The following ASIC2 variants were observed in gnomAD, a reference collection of about 807,000 sequenced individuals.
ASIC2 encodes the protein acid-sensing ion channel 2.
A neutral mutation model predicts 57.3 loss-of-function variants in ASIC2; 25 were observed. That is an observed-to-expected ratio of 0.44 (90% CI 0.32 to 0.61). The LOEUF (loss-of-function observed/expected upper bound fraction) is 0.61. Ranked by LOEUF, ASIC2 falls within the 20% of genes least tolerant of loss-of-function variation. The probability of loss-of-function intolerance (pLI) is 0.06; values close to 1 mark genes in which losing one functional copy is unlikely to be tolerated. For missense variants in ASIC2, 641 were observed against 738.1 expected, an observed-to-expected ratio of 0.87 and a Z score of 1.52; for synonymous variants, 319 against 307.5, an observed-to-expected ratio of 1.04 and a Z score of -0.39.
chr17:33,070,823 T>C (rs2092066006), intron 3 of ASIC2, among the ~76,000 whole-genome samples: 1 of 152,184 alleles, frequency 6.6e-6, no homozygotes, highest in Non-Finnish European at 1.5e-5. Flanking sequence ...TCTGCTTTTA[T>C]ATGTCTGAGA....
At chr17:33,320,823 C>T (rs759815391) in intron 1 of ASIC2, among the ~76,000 whole-genome samples, 4 of 152,168 alleles carry the variant, frequency 2.6e-5, no homozygotes, top group Non-Finnish European at 5.9e-5. Flanking sequence ...GAGTTCATGG[C>T]TCTCTGTGCC....
At chr17:33,725,957 T>A (rs900010894) in intron 1 of ASIC2, among the ~76,000 whole-genome samples, 1 of 152,210 alleles carries the variant, frequency 6.6e-6, no homozygotes, top group Admixed American at 6.5e-5. Context: ...TGCATTCTTA[T>A]GGGGTTCCCA....
At chr17:34,113,757 C>T (rs370859272) in intron 1 of ASIC2, among the ~76,000 whole-genome samples, 1 of 151,874 alleles carries the variant, frequency 6.6e-6, no homozygotes, top group Non-Finnish European at 1.5e-5. Context: ...CACCTACAGT[C>T]GCAGTTACTT....
intron 1 of ASIC2, among the ~76,000 whole-genome samples, chr17:34,049,997 T>A (rs1309076298): frequency 6.6e-6 from 1 of 152,194 alleles, no homozygotes; most frequent in Non-Finnish European, 1.5e-5. Context: ...GTTTGGCACA[T>A]GGAAAATGTT....
At chr17:34,028,920 A>T (rs999447285) in intron 1 of ASIC2, among the ~76,000 whole-genome samples, 1 of 152,192 alleles carries the variant, frequency 6.6e-6, no homozygotes, top group Non-Finnish European at 1.5e-5. Flanking sequence ...TTCCTTGAAC[A>T]TATCTGGGTC....
chr17:33,993,098 T>C (rs984818013), intron 1 of ASIC2, among the ~76,000 whole-genome samples: 8 of 152,166 alleles, frequency 5.3e-5, no homozygotes, highest in Non-Finnish European at 1.2e-4. Flanking sequence ...CTAGAAAAGT[T>C]CCTGGACTAA....
intron 1 of ASIC2, among the ~76,000 whole-genome samples, chr17:34,107,361 T>G (rs1464249351): frequency 1.3e-5 from 2 of 151,908 alleles, no homozygotes. Context: ...AATAAAAAAT[T>G]AGCTAGGGGT....
intron 1 of ASIC2, among the ~76,000 whole-genome samples, chr17:34,150,702 T>C (rs530246092): frequency 8.5e-5 from 13 of 152,218 alleles, no homozygotes; most frequent in African/African-American, 3.1e-4. Context: ...GAGAGTAATT[T>C]AGATTATGGG....
chr17:33,728,544 G>A lies in ASIC2; in HGVS notation c.555+427434C>T, dbSNP rs575406781. Among the ~76,000 whole-genome samples the A allele has an allele frequency of 5.3e-5, 8 of 152,164 alleles. No individual in the cohort carries two copies. The East Asian group carries it at 9.8e-4, about 19-fold the overall frequency. On this transcript the variant is annotated intron_variant, in intron 1 of 9. Coordinates refer to the ASIC2 transcript ENST00000359872. ...TTTATCGGTCTGACCTTTCCTTAGA[G>A]ACCTTATCACAGAAAGAAATTGGTT...
intron 1 of ASIC2, among the ~76,000 whole-genome samples, chr17:33,152,466 T>G (rs1904840443): frequency 6.6e-6 from 1 of 152,138 alleles, no homozygotes; most frequent in Non-Finnish European, 1.5e-5. Context: ...GATGAAATGA[T>G]TCAGATAAAC....
intron 1 of ASIC2, among the ~76,000 whole-genome samples, chr17:33,617,851 G>T (rs776003782): frequency 6.6e-6 from 1 of 152,098 alleles, no homozygotes; most frequent in Non-Finnish European, 1.5e-5. Flanking sequence ...CAATAATTAC[G>T]TGTTTATAAA....
intron 1 of ASIC2, among the ~76,000 whole-genome samples, chr17:34,106,737 C>G (rs1911072097): frequency 6.6e-6 from 1 of 152,126 alleles, no homozygotes; most frequent in African/African-American, 2.4e-5. Context: ...TCCTGTGTCC[C>G]TGTGACATCC....
chr17:33,787,994 G>A (rs1449621104), intron 1 of ASIC2, among the ~76,000 whole-genome samples: 1 of 152,162 alleles, frequency 6.6e-6, no homozygotes, highest in Non-Finnish European at 1.5e-5. Flanking sequence ...TCAGGACATA[G>A]GCATGGGCAA....
chr17:33,842,853 G>A (rs967847194), intron 1 of ASIC2, among the ~76,000 whole-genome samples: 8 of 152,182 alleles, frequency 5.3e-5, no homozygotes, highest in African/African-American at 1.9e-4. Context: ...GCTGTCTTGT[G>A]AAAGAGGAAT....
At chr17:33,453,040 C>A (rs1243971351) in intron 1 of ASIC2, among the ~76,000 whole-genome samples, 1 of 152,226 alleles carries the variant, frequency 6.6e-6, no homozygotes, top group Non-Finnish European at 1.5e-5. Context: ...AGCACCCTTT[C>A]AAACAGCCTC....
intron 1 of ASIC2, among the ~76,000 whole-genome samples, chr17:33,591,278 A>T (rs1904816718): frequency 2.6e-5 from 4 of 152,220 alleles, no homozygotes; most frequent in Admixed American, 1.3e-4. Context: ...TGTGTGACAC[A>T]TAAAATTGCC....
intron 1 of ASIC2, among the ~76,000 whole-genome samples, chr17:33,808,078 C>T (rs1171827039): frequency 6.6e-6 from 1 of 152,106 alleles, no homozygotes; most frequent in African/African-American, 2.4e-5. Context: ...ATTGATTGTG[C>T]CTTTGGTGTT....
At chr17:33,121,143 G>A (rs1012764629) in intron 1 of ASIC2, among the ~76,000 whole-genome samples, 50 of 152,240 alleles carry the variant, frequency 3.3e-4, no homozygotes, top group Admixed American at 2.2e-3. Flanking sequence ...TCGTGCATAA[G>A]CCCTGCAGGA....
intron 1 of ASIC2, among the ~76,000 whole-genome samples, chr17:34,150,208 G>A (rs1904464461): frequency 6.6e-6 from 1 of 152,172 alleles, no homozygotes; most frequent in African/African-American, 2.4e-5. Flanking sequence ...GAAACAGAGA[G>A]TAGAATGGTG....
Sources: allele counts gnomAD v4.1 joint callset (sites outside exome capture counted in the v4.1 genomes callset), GRCh38; gene constraint gnomAD v4.1.1; transcripts MANE v1.5; gene names NCBI Gene and HGNC (gene_info 2026-07-23, HGNC 2026-07-21).